PPP2R5D: variants seen among roughly 807,000 people sequenced by gnomAD.
PPP2R5D encodes protein phosphatase 2 regulatory subunit B'delta, also known as serine/threonine-protein phosphatase 2A 56 kDa regulatory subunit delta isoform.
PPP2R5D carries 12 observed loss-of-function variants against 79.1 expected under a neutral mutation model. The observed-to-expected ratio is 0.15, with a 90% CI of 0.10 to 0.25. The LOEUF is 0.25. PPP2R5D is among the 10% of genes least tolerant of loss of function. PPP2R5D has a pLI of 1.00. For synonymous variants in PPP2R5D, 277 were observed against 286.6 expected (o/e 0.97, Z 0.34); for missense variants, 419 against 760.2 (o/e 0.55, Z 5.28).
intron 1 of PPP2R5D, among the ~76,000 whole-genome samples, chr6:42,987,490 A>G (rs980626064): frequency 1.1e-4 from 16 of 152,140 alleles, no homozygotes; most frequent in Non-Finnish European, 2.1e-4. Context: ...GGAAGAGGGT[A>G]TTATGATTGT....
At chr6:43,004,791 T>C (rs1297916709) in intron 2 of PPP2R5D, among the ~76,000 whole-genome samples, 1 of 151,300 alleles carries the variant, frequency 6.6e-6, no homozygotes, top group Non-Finnish European at 1.5e-5. Flanking sequence ...AGTCTCACTC[T>C]GTCATCCAGG....
intron 2 of PPP2R5D, among the ~76,000 whole-genome samples, chr6:42,999,285 A>G (rs1772010692): frequency 6.6e-6 from 1 of 152,134 alleles, no homozygotes; most frequent in Admixed American, 6.5e-5. Flanking sequence ...TCTGACATGC[A>G]TGTTTCCTAG....
Position 43,008,999 on chromosome 6 carries a change from C to T in PPP2R5D, c.1081-58C>T, listed in dbSNP as rs1581858341. The T allele has an allele frequency of 6.4e-7, 1 of 1,574,636 alleles. No individual in the cohort carries two copies. Among genetic ancestry groups the T allele is most frequent in the Non-Finnish European group, 8.7e-7 (1 of 1,155,500 alleles). The stretch of plus-strand genomic sequence containing the variant: ...GGGGAGAGAGCAGGTAGGAAAACTT[C>T]CTGGTGACCTAGGCAGGTGCAAAGA... On this transcript the variant is annotated intron_variant, in intron 10 of 15. Coordinates refer to ENST00000485511, the MANE Select transcript of PPP2R5D (RefSeq NM_006245.4). This position sits in a 1 kb window ranked among gnomAD's most constrained non-coding sequence, Gnocchi z 4.2.
At chr6:42,993,844 G>A (rs963154589) in intron 2 of PPP2R5D, among the ~76,000 whole-genome samples, 2 of 152,192 alleles carry the variant, frequency 1.3e-5, no homozygotes, top group African/African-American at 2.4e-5. Flanking sequence ...ACAGATTCTA[G>A]GTGGACATGA....
In PPP2R5D at chr6:43,010,776, C is replaced by A. The variant is rs780194132; in HGVS notation, c.1554+40C>A. 2 of 1,610,232 alleles carry A rather than the reference C, an allele frequency of 1.2e-6. No individual in the cohort carries two copies. The highest frequency in any genetic ancestry group is 1.7e-6 in the Non-Finnish European group (2 of 1,176,502). On this transcript the variant is annotated intron_variant, in intron 14 of 15. Coordinates refer to ENST00000485511, the MANE Select transcript of PPP2R5D (RefSeq NM_006245.4). This position sits in a 1 kb window ranked among gnomAD's most constrained non-coding sequence, Gnocchi z 4.7. ...CCACTGTTGTGAACTGAGGGGCCAGCCCATCTTGAGCTGGGGGAGAGTTTG... is the reference window on the plus strand; with the variant it reads ...CCACTGTTGTGAACTGAGGGGCCAGACCATCTTGAGCTGGGGGAGAGTTTG...
In PPP2R5D at chr6:43,011,009, A is replaced by T. The variant is rs773619673; in HGVS notation, c.1671+12A>T. 6.2e-7 allele frequency: 1 copy of T among 1,611,264 alleles called. No individual in the cohort carries two copies. ...CTGAGGCTGTTCAGGTGGGAGGGCAATGTAGGGGGATGGAGCAGAAATAAT... is the reference window on the plus strand; with the variant it reads ...CTGAGGCTGTTCAGGTGGGAGGGCATTGTAGGGGGATGGAGCAGAAATAAT... On this transcript the variant is annotated intron_variant, in intron 15 of 15. Coordinates refer to ENST00000485511, the MANE Select transcript of PPP2R5D (RefSeq NM_006245.4).
rs199797554 is a variant in PPP2R5D at position 43,007,062 on chromosome 6, T to C, written c.474T>C (p.His158=). The C allele has an allele frequency of 6.2e-7, 1 of 1,613,948 alleles. No homozygotes were observed. The highest frequency in any genetic ancestry group is 1.7e-5 in the Admixed American group (1 of 59,996). Residue 158 remains histidine (H), a synonymous_variant, in exon 4 of 16, where the codon CAT becomes CAC. Coordinates refer to ENST00000485511, the MANE Select transcript of PPP2R5D (RefSeq NM_006245.4). The surrounding 1 kb of genome is among the most constrained non-coding windows in gnomAD (Gnocchi z 4.5). ...GLNEMVEYIT[H]SRDVVTEAIY... is the part of the protein sequence containing the mutation. ...ACGAGATGGTGGAGTACATCACCCA[T>C]AGCCGTGATGTTGTCACTGAGGCCA...
chr6:42,993,043 TC>T (rs1339216271), intron 2 of PPP2R5D, among the ~76,000 whole-genome samples: 1 of 152,034 alleles, frequency 6.6e-6, no homozygotes, highest in Admixed American at 6.6e-5. Flanking sequence ...ACACCTGTAA[TC>T]CCAGCACTTT....
At chr6:42,989,820 G>A in intron 2 of PPP2R5D, 132 bp downstream of exon 2, 8 of 855,222 alleles carry the variant, frequency 9.4e-6, no homozygotes, top group Non-Finnish European at 1.4e-5. Context: ...GACCTGGACA[G>A]CCCATCCAGA....
intron 2 of PPP2R5D, among the ~76,000 whole-genome samples, chr6:43,001,109 G>C (rs184082875): frequency 7.4e-4 from 112 of 152,332 alleles, no homozygotes; most frequent in African/African-American, 2.5e-3. Context: ...GACTTAAACT[G>C]AGTCTTGGAA....
intron 2 of PPP2R5D, among the ~76,000 whole-genome samples, chr6:43,002,506 G>A (rs974724915): frequency 5.2e-4 from 79 of 152,234 alleles, no homozygotes; most frequent in African/African-American, 1.9e-3. Context: ...AGGCAGAGGA[G>A]TGTCTGGATA....
chr6:42,990,644 G>A (rs952876274), intron 2 of PPP2R5D, among the ~76,000 whole-genome samples: 1 of 148,196 alleles, frequency 6.7e-6, no homozygotes, highest in Admixed American at 6.7e-5. Context: ...AGGCATGGAA[G>A]TTGAGGACCA....
rs1273398295 is a variant in PPP2R5D, at chr6:43,008,935, T to TAGCTGG, written c.1081-121_1081-116dup. The TAGCTGG allele has an allele frequency of 1.5e-6, 2 of 1,310,278 alleles. No homozygotes were observed. Among genetic ancestry groups the TAGCTGG allele is most frequent in the Non-Finnish European group, 2.1e-6 (2 of 939,294 alleles). 81.2% of individuals were successfully genotyped at this position (1,310,278 alleles called of 1,614,324 possible). On this transcript the variant is annotated intron_variant, in intron 10 of 15. Coordinates refer to ENST00000485511, the MANE Select transcript of PPP2R5D (RefSeq NM_006245.4). This position sits in a 1 kb window ranked among gnomAD's most constrained non-coding sequence, Gnocchi z 4.2. ...AACAGATCCAAGGCAAAGAAACGGG[T>TAGCTGG]AGCTGGCTGAGATCACCCAAACTGT...
chr6:42,995,656 G>C (rs993541868), intron 2 of PPP2R5D, among the ~76,000 whole-genome samples: 1 of 150,366 alleles, frequency 6.7e-6, no homozygotes, highest in African/African-American at 2.4e-5. Context: ...AGGTTCAAGC[G>C]ATTCTCCTGC....
At chr6:42,993,259 T>G (rs1771400737) in intron 2 of PPP2R5D, among the ~76,000 whole-genome samples, 3 of 150,652 alleles carry the variant, frequency 2.0e-5, no homozygotes. Context: ...ATTGCACCAT[T>G]GCAACCCAGA....
rs1366092779 is a variant in PPP2R5D, at chr6:43,012,274, G to T, written c.*988G>T. The T allele has an allele frequency of 2.9e-6, 4 of 1,356,914 alleles. No homozygotes were observed. Among genetic ancestry groups the T allele is most frequent in the Non-Finnish European group, 3.8e-6 (4 of 1,053,752 alleles). The allele number at this position is 1,356,914 out of a possible 1,614,324, so 84.1% of individuals were successfully genotyped here. ...CTTTATTCTCCACAGAGTGATACAT[G>T]CTAAGGTGGGTTGGGCTTGGACCGA... On this transcript the variant is annotated 3_prime_UTR_variant, in exon 16 of 16. Coordinates refer to ENST00000485511, the MANE Select transcript of PPP2R5D (RefSeq NM_006245.4).
Position 42,995,128 on chromosome 6 carries a change from T to TTTTTTTTTTTTTTC in PPP2R5D, c.105+5453_105+5454insCTTTTTTTTTTTTT, listed in dbSNP as rs1483626767. On this transcript the variant is annotated intron_variant, in intron 2 of 15. Coordinates refer to ENST00000485511, the MANE Select transcript of PPP2R5D (RefSeq NM_006245.4). ...GTGTCCCACCGAACTTTTTCTTTCT[T>TTTTTTTTTTTTTTC]TTTTTTTTTTTTTTTTTTTGGAGAT... is the stretch of plus-strand genomic sequence containing the variant. 2.0e-4 allele frequency among the ~76,000 whole-genome samples: 25 copies of TTTTTTTTTTTTTTC among 127,920 alleles called. No individual in the cohort carries two copies. In the East Asian group the frequency reaches 4.0e-3, roughly 20 times the overall value. The allele number at this position is 127,920 out of a possible 152,430, so 83.9% of individuals were successfully genotyped here.
In PPP2R5D at chr6:43,006,830, G is replaced by A; in HGVS notation, c.323-81G>A. ...GGGAGCAGGATGGTGGCAGGGTGGG[G>A]TAAGGGAAAGCCCTTGAAGGCAAGC... On this transcript the variant is annotated intron_variant, in intron 3 of 15. Transcript: ENST00000485511. This position sits in a 1 kb window ranked among gnomAD's most constrained non-coding sequence, Gnocchi z 4.7. 2 of 1,584,878 alleles carry A rather than the reference G, an allele frequency of 1.3e-6. No individual in the cohort carries two copies. The highest frequency in any genetic ancestry group is 1.7e-6 in the Non-Finnish European group (2 of 1,158,468).
chr6:43,007,587 T>A lies in PPP2R5D; in HGVS notation c.726+81T>A. 1 of 1,310,844 alleles carries A rather than the reference T, an allele frequency of 7.6e-7. No individual in the cohort carries two copies. Among genetic ancestry groups the A allele is most frequent in the Non-Finnish European group, 1.1e-6 (1 of 908,468 alleles). The allele number at this position is 1,310,844 out of a possible 1,614,324, so 81.2% of individuals were successfully genotyped here. A position where few individuals can be genotyped will look rare whatever the true frequency, so the allele number is the denominator to read the frequency against. On this transcript the variant is annotated intron_variant, in intron 6 of 15. Coordinates refer to ENST00000485511, the MANE Select transcript of PPP2R5D (RefSeq NM_006245.4). This position sits in a 1 kb window ranked among gnomAD's most constrained non-coding sequence, Gnocchi z 4.5. ...CTGTGTCCCAGTGGCTCTTTCCCCTTAAGCTGAATATATTGGGTTTCATCC... is the reference window on the plus strand; with the variant it reads ...CTGTGTCCCAGTGGCTCTTTCCCCTAAAGCTGAATATATTGGGTTTCATCC...
Sources: gnomAD v4.1 joint callset for allele counts (sites outside exome capture counted in the v4.1 genomes callset) on GRCh38, gnomAD v4.1.1 for gene constraint, Gnocchi (gnomAD v3.1) non-coding constraint, MANE v1.5 for transcripts, NCBI Gene and HGNC (gene_info 2026-07-23, HGNC 2026-07-21) for gene names.